PCDH15: variants seen among roughly 807,000 people sequenced by gnomAD.
PCDH15 encodes the protein protocadherin-15.
A neutral mutation model predicts 178.5 loss-of-function variants in PCDH15; 129 were observed. The ratio of observed to expected loss-of-function variants is 0.72; its 90% CI spans 0.63 to 0.84. The LOEUF is 0.84. PCDH15 is among the 40% of genes least tolerant of loss of function. PCDH15 has a pLI of 0.00. For missense variants in PCDH15, 2,230 were observed against 2,099.9 expected (o/e 1.06, Z -1.21); for synonymous variants, 800 against 732.0 (o/e 1.09, Z -1.50).
At chr10:53,959,612 A>G in intron 23 of PCDH15, 120 bp downstream of exon 23, 1 of 707,476 alleles carries the variant, frequency 1.4e-6, no homozygotes, top group South Asian at 1.7e-5. Flanking sequence ...GTTAATTTAG[A>G]AACGCCTAAA....
intron 2 of PCDH15, among the ~76,000 whole-genome samples, chr10:55,603,764 CA>C (rs1470274861): frequency 6.7e-6 from 1 of 148,460 alleles, no homozygotes; most frequent in African/African-American, 2.5e-5. Flanking sequence ...TGGAAAGGAA[CA>C]ACTGGTACCA....
chr10:54,476,381 G>A (rs900640650), intron 3 of PCDH15, among the ~76,000 whole-genome samples: 19 of 151,936 alleles, frequency 1.3e-4, no homozygotes, highest in African/African-American at 4.6e-4. Context: ...ATTATCTAAT[G>A]GATTAAGATA....
At chr10:54,186,181 G>A (rs1035115373) in intron 11 of PCDH15, among the ~76,000 whole-genome samples, 12 of 152,024 alleles carry the variant, frequency 7.9e-5, no homozygotes, top group African/African-American at 2.7e-4. Flanking sequence ...TTGAAAAAGA[G>A]AGAAAGGAGT....
At chr10:54,732,048 A>C (rs1280838706) in intron 1 of PCDH15, among the ~76,000 whole-genome samples, 1 of 151,298 alleles carries the variant, frequency 6.6e-6, no homozygotes, top group Non-Finnish European at 1.5e-5. Context: ...ATCACATGTA[A>C]CCTGAAAATA....
intron 2 of PCDH15, among the ~76,000 whole-genome samples, chr10:55,366,772 C>T (rs566443292): frequency 4.6e-5 from 7 of 152,268 alleles, no homozygotes; most frequent in African/African-American, 7.2e-5. Flanking sequence ...TAGCAGCTGA[C>T]ATCTACTCAA....
intron 8 of PCDH15, among the ~76,000 whole-genome samples, chr10:54,259,403 G>A (rs12250885): frequency 0.039 from 5,902 of 152,190 alleles, 386 homozygotes; most frequent in African/African-American, 0.13. Context: ...AACAGTCTAC[G>A]TGAGAGAATG....
chr10:54,734,357 TA>T (rs1943801661), intron 1 of PCDH15, among the ~76,000 whole-genome samples: 1 of 151,904 alleles, frequency 6.6e-6, no homozygotes, highest in Non-Finnish European at 1.5e-5. Flanking sequence ...CACATTATAA[TA>T]TTTTTTTAAA....
intron 2 of PCDH15, among the ~76,000 whole-genome samples, chr10:55,044,490 A>C (rs1840947845): frequency 6.6e-6 from 1 of 152,106 alleles, no homozygotes; most frequent in Non-Finnish European, 1.5e-5. Flanking sequence ...TTTCCCTAAA[A>C]AACCTACTAC....
intron 18 of PCDH15, among the ~76,000 whole-genome samples, chr10:54,064,313 T>C (rs906450520): frequency 1.3e-5 from 2 of 152,144 alleles, no homozygotes; most frequent in East Asian, 3.9e-4. Flanking sequence ...CAGGGTTTTT[T>C]TGGGCTCAGA....
At chr10:54,307,082 A>AAAATTGC in intron 8 of PCDH15, among the ~76,000 whole-genome samples, 1 of 4,426 alleles carries the variant, frequency 2.3e-4, no homozygotes, top group Non-Finnish European at 4.3e-4. Context: ...ATATATATAC[A>AAAATTGC]TATATATATA....
intron 2 of PCDH15, among the ~76,000 whole-genome samples, chr10:55,390,850 A>G (rs759230071): frequency 4.6e-5 from 7 of 152,202 alleles, no homozygotes; most frequent in Non-Finnish European, 7.3e-5. Context: ...AGCTTAAAAC[A>G]TTCAGTGAAT....
intron 1 of PCDH15, among the ~76,000 whole-genome samples, chr10:54,727,456 G>C (rs1439679349): frequency 6.6e-6 from 1 of 151,378 alleles, no homozygotes. Context: ...GCAGTGTTAA[G>C]AGGAAAGTTT....
chr10:54,264,367 T>G (rs966144880), intron 8 of PCDH15, among the ~76,000 whole-genome samples: 2 of 152,134 alleles, frequency 1.3e-5, no homozygotes, highest in African/African-American at 4.8e-5. Context: ...CCAGAGTGTT[T>G]TGTGGTCTCC....
intron 1 of PCDH15, among the ~76,000 whole-genome samples, chr10:54,715,580 A>G (rs190786221): frequency 6.1e-4 from 93 of 152,164 alleles, no homozygotes; most frequent in Non-Finnish European, 1.1e-3. Context: ...GTAAAACGAT[A>G]TGGGTGCAGT....
chr10:54,041,743 G>A (rs540542324), intron 18 of PCDH15, among the ~76,000 whole-genome samples: 1 of 152,078 alleles, frequency 6.6e-6, no homozygotes, highest in African/African-American at 2.4e-5. Context: ...CAATATTGTG[G>A]GTTCAAAAAG....
intron 2 of PCDH15, among the ~76,000 whole-genome samples, chr10:55,374,501 A>T (rs1186511285): frequency 6.6e-6 from 1 of 152,132 alleles, no homozygotes; most frequent in Non-Finnish European, 1.5e-5. Flanking sequence ...GTGATAGGCA[A>T]TAGATATCAC....
At chr10:54,620,606 G>A (rs967842409) in intron 2 of PCDH15, among the ~76,000 whole-genome samples, 61 of 152,022 alleles carry the variant, frequency 4.0e-4, no homozygotes, top group Non-Finnish European at 8.4e-4. Flanking sequence ...AGTTTCTTGC[G>A]AAAGCTGAGC....
chr10:54,361,241 A>T (rs1297814680), intron 5 of PCDH15, among the ~76,000 whole-genome samples: 11 of 152,132 alleles, frequency 7.2e-5, no homozygotes, highest in Non-Finnish European at 1.5e-5. Context: ...AACTGCATGT[A>T]CAAGTGGACC....
intron 2 of PCDH15, among the ~76,000 whole-genome samples, chr10:55,369,942 G>T (rs561930720): frequency 2.0e-5 from 3 of 151,638 alleles, no homozygotes; most frequent in African/African-American, 7.3e-5. Context: ...AAATGGTCAA[G>T]TAATGGCAAT....
Sources: allele counts gnomAD v4.1 joint callset (sites outside exome capture counted in the v4.1 genomes callset), GRCh38; gene constraint gnomAD v4.1.1; transcripts MANE v1.5; gene names NCBI Gene and HGNC (gene_info 2026-07-23, HGNC 2026-07-21).